KSR1: variants seen among roughly 807,000 people sequenced by gnomAD.
KSR1 encodes the protein kinase suppressor of ras.
Under a neutral mutation model 92.9 loss-of-function variants are expected in KSR1, and 35 were observed. The observed-to-expected ratio is 0.38, with a 90% CI of 0.29 to 0.50. KSR1 has a LOEUF of 0.50. Ranked by LOEUF, KSR1 falls within the 20% of genes least tolerant of loss-of-function variation. The pLI is 0.94. For synonymous variants in KSR1, 467 were observed against 472.6 expected (o/e 0.99, Z 0.15); for missense variants, 972 against 1,158.5 (o/e 0.84, Z 2.34).
intron 2 of KSR1, among the ~76,000 whole-genome samples, chr17:27,552,551 A>G (rs1024016467): frequency 6.6e-6 from 1 of 151,986 alleles, no homozygotes; most frequent in Non-Finnish European, 1.5e-5. Context: ...CTTCCCAGCT[A>G]TGCCTGCTGC....
chr17:27,584,581 T>C (rs1271081238), intron 4 of KSR1, among the ~76,000 whole-genome samples: 2 of 152,242 alleles, frequency 1.3e-5, no homozygotes, highest in Middle Eastern at 3.4e-3. Flanking sequence ...AAGAAGAGCA[T>C]TAGGAAAGCT....
At chr17:27,507,285 T>C (rs2069420480) in intron 1 of KSR1, among the ~76,000 whole-genome samples, 1 of 151,644 alleles carries the variant, frequency 6.6e-6, no homozygotes, top group Admixed American at 6.6e-5. Flanking sequence ...ATACAAAAAT[T>C]AGCCAGGCCT....
chr17:27,515,003 G>A (rs1471258811), intron 1 of KSR1, among the ~76,000 whole-genome samples: 2 of 152,200 alleles, frequency 1.3e-5, no homozygotes, highest in African/African-American at 4.8e-5. Context: ...TGTCAGGGTG[G>A]CTGGGAGCTA....
intron 1 of KSR1, among the ~76,000 whole-genome samples, chr17:27,499,270 G>A (rs754843629): frequency 2.6e-5 from 4 of 152,130 alleles, no homozygotes; most frequent in Non-Finnish European, 4.4e-5. Flanking sequence ...AGGGAACTGA[G>A]GCAGAAACCA....
chr17:27,527,876 C>T (rs867371252), intron 1 of KSR1, among the ~76,000 whole-genome samples: 8 of 152,100 alleles, frequency 5.3e-5, no homozygotes, highest in Non-Finnish European at 1.2e-4. Flanking sequence ...AGGCTTTGTA[C>T]GATGTCTTTA....
intron 3 of KSR1, among the ~76,000 whole-genome samples, chr17:27,581,926 A>T (rs1162330959): frequency 6.6e-6 from 1 of 152,132 alleles, no homozygotes; most frequent in African/African-American, 2.4e-5. Context: ...TTCTTCCTGG[A>T]TCTTTTTTCA....
At chr17:27,477,335 T>G (rs781404492) in intron 1 of KSR1, among the ~76,000 whole-genome samples, 2 of 152,222 alleles carry the variant, frequency 1.3e-5, no homozygotes, top group Non-Finnish European at 2.9e-5. Flanking sequence ...AGCTCCTGTT[T>G]AAGACGGAGT....
At chr17:27,578,776 C>G (rs986407074) in intron 3 of KSR1, 5 of 152,252 alleles carry the variant, frequency 3.3e-5, no homozygotes, top group African/African-American at 7.2e-5. Flanking sequence ...GTCATGCAGG[C>G]TGCTGTCTAC....
intron 1 of KSR1, among the ~76,000 whole-genome samples, chr17:27,461,942 C>A (rs2150901439): frequency 1.5e-5 from 2 of 132,602 alleles, no homozygotes; most frequent in East Asian, 2.9e-4. Context: ...GGAGAAGCAG[C>A]AAAGCCTGTG....
intron 6 of KSR1, among the ~76,000 whole-genome samples, chr17:27,588,873 CAT>C (rs1330107364): frequency 1.3e-5 from 2 of 152,228 alleles, no homozygotes; most frequent in African/African-American, 4.8e-5. Context: ...TGCGATGTCA[CAT>C]GAGTCCTGAA....
At chr17:27,596,198 G>GTT (rs2073340416) in intron 9 of KSR1, among the ~76,000 whole-genome samples, 1 of 152,170 alleles carries the variant, frequency 6.6e-6, no homozygotes, top group Non-Finnish European at 1.5e-5. Context: ...GCTTCATCTG[G>GTT]TTATCACACT....
At chr17:27,526,405 G>C in intron 1 of KSR1, 2 of 1,517,488 alleles carry the variant, frequency 1.3e-6, no homozygotes, top group Non-Finnish European at 8.9e-7. Flanking sequence ...ATTGGGAAAG[G>C]GCCGGTTAAA....
intron 18 of KSR1, among the ~76,000 whole-genome samples, chr17:27,616,732 C>T (rs931324253): frequency 3.9e-5 from 6 of 152,206 alleles, no homozygotes; most frequent in Admixed American, 6.5e-5. Flanking sequence ...CAGGGCCGTG[C>T]TGGTACACAT....
chr17:27,527,042 G>T (rs1400236501), intron 1 of KSR1: 4 of 464,168 alleles, frequency 8.6e-6, no homozygotes, highest in Non-Finnish European at 1.6e-5. Flanking sequence ...GGGACAGCTC[G>T]GCTGAGAGTT....
chr17:27,481,973 G>A (rs2068525328), intron 1 of KSR1, among the ~76,000 whole-genome samples: 2 of 152,214 alleles, frequency 1.3e-5, no homozygotes, highest in African/African-American at 4.8e-5. Context: ...GACTCTGTAT[G>A]TTGAACCTTA....
intron 1 of KSR1, among the ~76,000 whole-genome samples, chr17:27,496,347 A>C (rs1200336957): frequency 6.6e-6 from 1 of 152,202 alleles, no homozygotes; most frequent in Admixed American, 6.5e-5. Context: ...AGTGCCATAG[A>C]AACTCCAATT....
chr17:27,470,022 G>GTA (rs2019901380), intron 1 of KSR1, among the ~76,000 whole-genome samples: 2 of 150,014 alleles, frequency 1.3e-5, no homozygotes, highest in Non-Finnish European at 3.0e-5. Flanking sequence ...GTGTGTGTGT[G>GTA]TGTGTGTGTG....
At chr17:27,600,416 G>C (rs772190034) in intron 10 of KSR1, among the ~76,000 whole-genome samples, 1 of 151,912 alleles carries the variant, frequency 6.6e-6, no homozygotes, top group Non-Finnish European at 1.5e-5. Context: ...TTCCAGCCTG[G>C]ACAACAGAGC....
At position 27,522,212 on chromosome 17, in the gene KSR1, A is replaced by G. The variant is rs2070063271; in HGVS notation, c.232-28356A>G. 2.0e-5 allele frequency among the ~76,000 whole-genome samples: 3 copies of G among 152,202 alleles called. No homozygotes were observed. In the South Asian group the frequency reaches 6.2e-4, roughly 31 times the overall value. ...GTGGGTCAAGGCAACTACCCTTTGC[A>G]CTTGGGGCAAGTTGACATGAAAAAT... On this transcript the variant is annotated intron_variant, in intron 1 of 20. Coordinates refer to ENST00000644974, the MANE Select transcript of KSR1 (RefSeq NM_001394583.1).
Sources: gnomAD v4.1 joint callset for allele counts (sites outside exome capture counted in the v4.1 genomes callset) on GRCh38, gnomAD v4.1.1 for gene constraint, MANE v1.5 for transcripts, NCBI Gene and HGNC (gene_info 2026-07-23, HGNC 2026-07-21) for gene names.